The following RAB38 variants were observed in gnomAD, a reference collection of about 807,000 sequenced individuals.
The protein encoded by RAB38 is ras-related protein Rab-38.
In RAB38, 15 loss-of-function variants were observed where a neutral mutation model predicts 18.4. The observed-to-expected ratio is 0.82, with a 90% CI of 0.55 to 1.26. The LOEUF (loss-of-function observed/expected upper bound fraction) is 1.26, where lower values mean the gene tolerates loss of function less well. RAB38 is among the 50% of genes most tolerant of loss of function. The pLI is 0.00. For missense variants in RAB38, 294 were observed against 267.4 expected, an observed-to-expected ratio of 1.10 and a Z score of -0.69; for synonymous variants, 101 against 104.4, an observed-to-expected ratio of 0.97 and a Z score of 0.20.
chr11:87,890,762 A>G, the RAB38 span, among the ~76,000 whole-genome samples: 1 of 151,882 alleles, frequency 6.6e-6, no homozygotes, highest in Admixed American at 6.6e-5. Context: ...TTCAACTTGG[A>G]AATCTCTAAC....
chr11:88,110,538 G>C (rs1036715560), downstream of RAB38, among the ~76,000 whole-genome samples: 1 of 151,982 alleles, frequency 6.6e-6, no homozygotes, highest in Non-Finnish European at 1.5e-5. Flanking sequence ...AATAATAAAG[G>C]CCAGGCGTGG....
chr11:88,010,815 A>G, the RAB38 span, among the ~76,000 whole-genome samples: 1 of 152,184 alleles, frequency 6.6e-6, no homozygotes, highest in African/African-American at 2.4e-5. Flanking sequence ...AGGTATTCAT[A>G]ATCTCAACCC....
At chr11:87,846,359 T>C in the RAB38 span, among the ~76,000 whole-genome samples, 2 of 151,954 alleles carry the variant, frequency 1.3e-5, no homozygotes, top group Non-Finnish European at 2.9e-5. Flanking sequence ...CTAAACTTAA[T>C]ATATAAAGAC....
the RAB38 span, among the ~76,000 whole-genome samples, chr11:87,940,166 C>CA: frequency 0.38 from 48,101 of 127,260 alleles, 8,642 homozygotes; most frequent in East Asian, 0.5. Flanking sequence ...CCAGATAATA[C>CA]AAAAAAAAAA....
At chr11:87,975,568 C>T in the RAB38 span, among the ~76,000 whole-genome samples, 1,406 of 151,888 alleles carry the variant, frequency 9.3e-3, 16 homozygotes, top group South Asian at 0.04. Context: ...CTTCTCCTAA[C>T]AATCTTTAAT....
At chr11:87,902,908 G>T in the RAB38 span, among the ~76,000 whole-genome samples, 14 of 150,384 alleles carry the variant, frequency 9.3e-5, no homozygotes, top group African/African-American at 3.4e-4. Context: ...TATATATAAT[G>T]CTTGTATCTT....
At chr11:87,851,151 T>C in the RAB38 span, among the ~76,000 whole-genome samples, 1 of 152,122 alleles carries the variant, frequency 6.6e-6, no homozygotes, top group Non-Finnish European at 1.5e-5. Context: ...TTCAAATGAG[T>C]ATAATAATTA....
chr11:87,902,768 T>A, the RAB38 span, among the ~76,000 whole-genome samples: 4 of 151,322 alleles, frequency 2.6e-5, no homozygotes, highest in Admixed American at 2.6e-4. Flanking sequence ...TTTTGCATAT[T>A]GTGATGCTTT....
chr11:88,004,402 A>G, the RAB38 span, among the ~76,000 whole-genome samples: 1 of 151,220 alleles, frequency 6.6e-6, no homozygotes, highest in Non-Finnish European at 1.5e-5. Flanking sequence ...CACACACAAA[A>G]AAAGCATTTT....
At chr11:87,860,794 A>T in the RAB38 span, among the ~76,000 whole-genome samples, 6 of 151,582 alleles carry the variant, frequency 4.0e-5, no homozygotes, top group African/African-American at 1.2e-4. Context: ...ATTTTTTTTT[A>T]TTTTTATTTT....
the RAB38 span, among the ~76,000 whole-genome samples, chr11:87,910,854 C>T: frequency 6.6e-6 from 1 of 151,910 alleles, no homozygotes; most frequent in Non-Finnish European, 1.5e-5. Context: ...CCAGGATGGT[C>T]TCGATCTCCT....
the RAB38 span, among the ~76,000 whole-genome samples, chr11:87,857,497 C>T: frequency 1.3e-5 from 2 of 152,156 alleles, no homozygotes; most frequent in African/African-American, 4.8e-5. Context: ...AAAAGTGTTC[C>T]TATTTCTCCA....
the RAB38 span, among the ~76,000 whole-genome samples, chr11:87,846,811 T>C: frequency 1.3e-5 from 2 of 152,088 alleles, no homozygotes; most frequent in African/African-American, 4.8e-5. Flanking sequence ...CAGTTAATTT[T>C]TTAAAATCTG....
chr11:88,036,253 G>C, the RAB38 span, among the ~76,000 whole-genome samples: 1 of 152,068 alleles, frequency 6.6e-6, no homozygotes, highest in Non-Finnish European at 1.5e-5. Context: ...CTCTGCCAAA[G>C]ACATAGATTC....
chr11:87,956,878 C>T, the RAB38 span, among the ~76,000 whole-genome samples: 1,281 of 152,060 alleles, frequency 8.4e-3, 17 homozygotes, highest in Non-Finnish European at 0.011. Context: ...TCCCTCCCCC[C>T]ACCTTCAGTT....
chr11:88,039,790 TGTAGA>T, the RAB38 span, among the ~76,000 whole-genome samples: 586 of 152,262 alleles, frequency 3.8e-3, 2 homozygotes, highest in African/African-American at 0.013. Flanking sequence ...GGGCCTTAAA[TGTAGA>T]GTAAAGAACT....
At chr11:87,955,651 T>C in the RAB38 span, among the ~76,000 whole-genome samples, 3 of 152,102 alleles carry the variant, frequency 2.0e-5, no homozygotes, top group African/African-American at 7.2e-5. Flanking sequence ...AACATTTAGC[T>C]CTTATATCTA....
At chr11:87,844,588 C>T in the RAB38 span, among the ~76,000 whole-genome samples, 1 of 152,178 alleles carries the variant, frequency 6.6e-6, no homozygotes. Flanking sequence ...GTTCTATTCC[C>T]TGTCTAATTT....
intron 2 of RAB38, among the ~76,000 whole-genome samples, chr11:88,141,322 G>T (rs183794693): frequency 6.6e-6 from 1 of 152,090 alleles, no homozygotes; most frequent in East Asian, 1.9e-4. Context: ...TGGGGTGTTG[G>T]GTGCTACTGA....
Sources: allele counts gnomAD v4.1 joint callset (sites outside exome capture counted in the v4.1 genomes callset), GRCh38; gene constraint gnomAD v4.1.1; transcripts MANE v1.5; gene names NCBI Gene and HGNC (gene_info 2026-07-23, HGNC 2026-07-21).